SLFN12L: variants seen among roughly 807,000 people sequenced by gnomAD.
SLFN12L encodes the protein schlafen family member 12 like, also known as schlafen family member 12-like.
SLFN12L carries 34 observed loss-of-function variants against 34.8 expected under a neutral mutation model. The observed-to-expected ratio is 0.98, with a 90% CI of 0.74 to 1.30. The LOEUF (loss-of-function observed/expected upper bound fraction) is 1.30, where lower values mean the gene tolerates loss of function less well. Among genes scored for constraint, SLFN12L ranks in the 50% most tolerant of loss-of-function variants. The pLI is 0.00. For missense variants in SLFN12L, 703 were observed against 696.2 expected (o/e 1.01, Z -0.11); for synonymous variants, 259 against 247.5 (o/e 1.05, Z -0.44).
intron 2 of SLFN12L, among the ~76,000 whole-genome samples, chr17:35,499,509 C>T (rs1013769708): frequency 4.6e-5 from 7 of 152,156 alleles, no homozygotes; most frequent in Admixed American, 2.6e-4. Flanking sequence ...CTTATGTGTG[C>T]GTACATTTGC....
At chr17:35,491,135 C>A (rs1914820276) in intron 2 of SLFN12L, 1 of 778,970 alleles carries the variant, frequency 1.3e-6, no homozygotes, top group East Asian at 2.5e-5. Context: ...TTACTGCCTC[C>A]CCTGCTGCTC....
intron 2 of SLFN12L, among the ~76,000 whole-genome samples, chr17:35,482,774 G>A (rs933089650): frequency 1.3e-5 from 2 of 152,136 alleles, no homozygotes; most frequent in African/African-American, 2.4e-5. Flanking sequence ...GGTCAAAGGC[G>A]GCGGGTCCCC....
chr17:35,476,271 G>T (rs551105088), intron 4 of SLFN12L, among the ~76,000 whole-genome samples: 32 of 152,162 alleles, frequency 2.1e-4, no homozygotes, highest in African/African-American at 7.2e-4. Flanking sequence ...TCAACTCACT[G>T]GCTAATACAG....
chr17:35,476,407 C>A (rs1166146209), intron 4 of SLFN12L, among the ~76,000 whole-genome samples: 1 of 149,012 alleles, frequency 6.7e-6, no homozygotes, highest in Non-Finnish European at 1.5e-5. Context: ...TTGAGACCAG[C>A]CTGGGCAATA....
At chr17:35,533,264 T>G (rs567809359) in intron 1 of SLFN12L, among the ~76,000 whole-genome samples, 3 of 152,368 alleles carry the variant, frequency 2.0e-5, no homozygotes, top group Middle Eastern at 3.4e-3. Context: ...ACTAGGTACT[T>G]CTCAATTGTT....
Position 35,522,670 on chromosome 17 carries a change from C to A in SLFN12L, c.-306G>T, listed in dbSNP as rs1186042453. On this transcript the variant is annotated 5_prime_UTR_variant, in exon 2 of 5. In the 5' UTR this introduces an upstream ATG that the reference lacks. Coordinates refer to ENST00000628453, the MANE Select transcript of SLFN12L (RefSeq NM_001363830.2). ...AGGACTCAGGCAGAGGACCTTGGCC[C>A]TGACACACACCTCCCCAGTGTAGCC... The A allele has an allele frequency of 9.3e-6, 15 of 1,613,994 alleles. No individual in the cohort carries two copies. Among genetic ancestry groups the A allele is most frequent in the Non-Finnish European group, 1.2e-5 (14 of 1,180,016 alleles).
rs1450185310 is a variant in SLFN12L, at chr17:35,474,982, C to T, written c.1780G>A (p.Val594Ile). Residue 594 changes from valine to isoleucine, a missense_variant, in exon 5 of 5, where the codon GTT (valine) becomes ATT (isoleucine). Coordinates refer to ENST00000628453, the MANE Select transcript of SLFN12L (RefSeq NM_001363830.2). ...LPKENQIFLF[V>I]CLFRFCLFVC... is the part of the protein sequence containing the mutation. ...AACAAACAAAAACGAAACAAACAAA[C>T]AAACAAAAAGATTTGATTCTCCTTA... 1 of 1,558,374 alleles carries T rather than the reference C, an allele frequency of 6.4e-7. No individual in the cohort carries two copies. The highest frequency in any genetic ancestry group is 2.4e-5 in the East Asian group (1 of 41,484).
chr17:35,530,081 TGG>T (rs1172922224), intron 1 of SLFN12L, among the ~76,000 whole-genome samples: 1 of 149,864 alleles, frequency 6.7e-6, no homozygotes, highest in African/African-American at 2.4e-5. Context: ...TCACGTCTTT[TGG>T]TACCCTGGCT....
chr17:35,520,966 C>T (rs1915979991), intron 2 of SLFN12L, among the ~76,000 whole-genome samples: 1 of 152,108 alleles, frequency 6.6e-6, no homozygotes, highest in African/African-American at 2.4e-5. Context: ...TCCCCCCAAT[C>T]AGGATGGCCA....
chr17:35,510,794 T>G (rs1915612862), intron 2 of SLFN12L, among the ~76,000 whole-genome samples: 1 of 151,858 alleles, frequency 6.6e-6, no homozygotes, highest in South Asian at 2.1e-4. Context: ...AGCATAAAAT[T>G]TTCTCTGTTA....
At chr17:35,530,424 AGGAAGGGAAGGGAAGGG>A (rs1217842316) in intron 1 of SLFN12L, among the ~76,000 whole-genome samples, 6 of 6,696 alleles carry the variant, frequency 9.0e-4, no homozygotes, top group African/African-American at 2.0e-3. Context: ...GAAGGAAGGA[AGGAAGGGAAGGGAAGGG>A]AAGAAAGAAA....
At position 35,473,142 on chromosome 17, in the gene SLFN12L, T is replaced by G. The variant is rs1172274645; in HGVS notation, c.*1781A>C. 1.3e-5 allele frequency among the ~76,000 whole-genome samples: 2 copies of G among 152,210 alleles called. No homozygotes were observed. The highest frequency in any genetic ancestry group is 2.9e-5 in the Non-Finnish European group (2 of 68,036). ...TCTCTTCCTATTCGAATACCTTTAT[T>G]TCTTTCTCTTGCCTGATTGCCCTGG... On this transcript the variant is annotated 3_prime_UTR_variant, in exon 5 of 5. Coordinates refer to ENST00000628453, the MANE Select transcript of SLFN12L (RefSeq NM_001363830.2).
At chr17:35,487,740 G>C in intron 2 of SLFN12L, 1 of 1,536,052 alleles carries the variant, frequency 6.5e-7, no homozygotes, top group Non-Finnish European at 8.7e-7. Flanking sequence ...CGAGGTCCAT[G>C]TCTGCGCACT....
In SLFN12L at chr17:35,468,300, T is replaced by C. The variant is rs1353826090; in HGVS notation, c.*6623A>G. Among the ~76,000 whole-genome samples, 1 of 152,208 alleles carries C rather than the reference T, an allele frequency of 6.6e-6. No individual in the cohort carries two copies. The highest frequency in any genetic ancestry group is 6.5e-5 in the Admixed American group (1 of 15,282). ...TACAAGCCATTGTTTTAATCAATCA[T>C]GGCAAATGCTAAGACCCACATCAAC... On this transcript the variant is annotated 3_prime_UTR_variant, in exon 5 of 5. Transcript: ENST00000628453.
At chr17:35,493,927 G>T (rs1393363038) in intron 2 of SLFN12L, among the ~76,000 whole-genome samples, 1 of 151,960 alleles carries the variant, frequency 6.6e-6, no homozygotes, top group Non-Finnish European at 1.5e-5. Flanking sequence ...TTTCATTTTT[G>T]TTGTACGTGT....
chr17:35,524,994 C>T (rs2072319805), intron 1 of SLFN12L, among the ~76,000 whole-genome samples: 1 of 151,700 alleles, frequency 6.6e-6, no homozygotes, highest in South Asian at 2.1e-4. Context: ...CTAGAATAAC[C>T]AGTTTAGAGA....
chr17:35,536,409 T>C (rs2072461825), intron 1 of SLFN12L, among the ~76,000 whole-genome samples: 1 of 152,174 alleles, frequency 6.6e-6, no homozygotes, highest in Admixed American at 6.5e-5. Context: ...AAAGACCCAA[T>C]GCAGTGACAC....
At position 35,480,213 on chromosome 17, in the gene SLFN12L, T is replaced by G. The variant is rs1193329641; in HGVS notation, c.87-18A>C. 6.5e-7 allele frequency: 1 copy of G among 1,532,888 alleles called. No homozygotes were observed. The highest frequency in any genetic ancestry group is 8.8e-7 in the Non-Finnish European group (1 of 1,141,080). 95.0% of individuals were successfully genotyped at this position (1,532,888 alleles called of 1,614,324 possible). ...ATTCTTTTCTGTAAAATAGAGCCGT[T>G]AGAATAGGAGTTAAGCCTGAGAGAC... On this transcript the variant is annotated intron_variant, in intron 2 of 4. Transcript: ENST00000628453.
rs1437443466 is a variant in SLFN12L, at chr17:35,496,049, T to C, written c.87-15854A>G. On this transcript the variant is annotated intron_variant, in intron 2 of 4. Transcript: ENST00000628453. ...TGCTGAGGTCTCGCCTATTCCTGGG[T>C]GCTCAGTGAGGTCGTCCCCACCCCC... 4.6e-5 allele frequency among the ~76,000 whole-genome samples: 7 copies of C among 151,718 alleles called. No homozygotes were observed. The East Asian group carries it at 1.4e-3, about 29-fold the overall frequency.
Sources: gnomAD v4.1 joint callset for allele counts (sites outside exome capture counted in the v4.1 genomes callset) on GRCh38, gnomAD v4.1.1 for gene constraint, MANE v1.5 for transcripts, NCBI Gene and HGNC (gene_info 2026-07-23, HGNC 2026-07-21) for gene names.